FAM120B: variants seen among roughly 807,000 people sequenced by gnomAD.
FAM120B encodes family with sequence similarity 120 member B, also known as constitutive coactivator of peroxisome proliferator-activated receptor gamma.
A neutral mutation model predicts 96.3 loss-of-function variants in FAM120B; 83 were observed. The ratio of observed to expected loss-of-function variants is 0.86; its 90% CI spans 0.72 to 1.03. The LOEUF (loss-of-function observed/expected upper bound fraction) is 1.03. FAM120B is among the 50% of genes least tolerant of loss of function. The pLI is 0.00. For synonymous variants in FAM120B, 407 were observed against 402.7 expected, an observed-to-expected ratio of 1.01 and a Z score of -0.13; for missense variants, 1,027 against 1,121.2, an observed-to-expected ratio of 0.92 and a Z score of 1.20.
chr6:170,328,517 C>A (rs1490699177), intron 3 of FAM120B, among the ~76,000 whole-genome samples: 1 of 152,180 alleles, frequency 6.6e-6, no homozygotes, highest in East Asian at 1.9e-4. Flanking sequence ...CAAGGCTCAT[C>A]TTTATCGTTG....
intron 3 of FAM120B, among the ~76,000 whole-genome samples, chr6:170,329,713 A>T (rs1785872787): frequency 6.6e-6 from 1 of 151,398 alleles, no homozygotes; most frequent in African/African-American, 2.4e-5. Context: ...TCCTGGACTG[A>T]TACTCTCTTT....
At chr6:170,310,662 G>A (rs1410048828) in intron 1 of FAM120B, among the ~76,000 whole-genome samples, 3 of 152,224 alleles carry the variant, frequency 2.0e-5, no homozygotes, top group Non-Finnish European at 4.4e-5. Context: ...TTAAGAGGCT[G>A]CACAAAACTG....
rs541868570 is a variant in FAM120B at position 170,359,706 on chromosome 6, T to C, written c.2283+1388T>C. Among the ~76,000 whole-genome samples, 14 of 152,282 alleles carry C rather than the reference T, an allele frequency of 9.2e-5. No individual in the cohort carries two copies. The South Asian group carries it at 2.3e-3, about 25-fold the overall frequency. ...CTCCCGCCTGGGCCTCCCAAAGTGC[T>C]GGGATTATAGGTGTGAGCCACCACA... On this transcript the variant is annotated intron_variant, in intron 6 of 10. Coordinates refer to ENST00000476287, the MANE Select transcript of FAM120B (RefSeq NM_032448.3).
chr6:170,306,760 A>AC lies in FAM120B; in HGVS notation c.-103dup, dbSNP rs1286307948. ...GCGCCTTGAGCGGAAGCGGAAGTGA[A>AC]CGAGGCGGCTGTGGCGGTGGCTGAG... On this transcript the variant is annotated 5_prime_UTR_variant, in exon 1 of 11. Coordinates refer to ENST00000476287, the MANE Select transcript of FAM120B (RefSeq NM_032448.3). The AC allele has an allele frequency of 1.3e-5, 2 of 153,342 alleles. No individual in the cohort carries two copies. Among genetic ancestry groups the AC allele is most frequent in the African/African-American group, 4.8e-5 (2 of 41,474 alleles). 9.5% of individuals were successfully genotyped at this position (153,342 alleles called of 1,614,324 possible). A position where few individuals can be genotyped will look rare whatever the true frequency, so the allele number is the denominator to read the frequency against.
At chr6:170,328,064 C>G (rs1482459999) in intron 3 of FAM120B, among the ~76,000 whole-genome samples, 4 of 149,320 alleles carry the variant, frequency 2.7e-5, no homozygotes, top group Non-Finnish European at 6.0e-5. Context: ...ATAAATTAAC[C>G]TTAACTTACT....
At chr6:170,309,186 C>T (rs1265367552) in intron 1 of FAM120B, among the ~76,000 whole-genome samples, 2 of 152,120 alleles carry the variant, frequency 1.3e-5, no homozygotes, top group Non-Finnish European at 2.9e-5. Context: ...TTTTATAGAA[C>T]TTGATAATGA....
chr6:170,363,656 C>T lies in FAM120B; in HGVS notation c.2283+5338C>T, dbSNP rs1467507486. Among the ~76,000 whole-genome samples, 2 of 152,258 alleles carry T rather than the reference C, an allele frequency of 1.3e-5. No homozygotes were observed. The highest frequency in any genetic ancestry group is 3.8e-4 in the East Asian group (2 of 5,204). Reference sequence around the variant, plus strand: ...ACAGGATCATAACAATAAAGTAATTCTGGATCTCCATTTCCTTGGTAATCA... The same window carrying T: ...ACAGGATCATAACAATAAAGTAATTTTGGATCTCCATTTCCTTGGTAATCA... On this transcript the variant is annotated intron_variant, in intron 6 of 10. Transcript: ENST00000476287. This position sits in a 1 kb window ranked among gnomAD's most constrained non-coding sequence, Gnocchi z 4.5.
intron 3 of FAM120B, among the ~76,000 whole-genome samples, chr6:170,323,693 A>G (rs1785431893): frequency 6.6e-6 from 1 of 152,202 alleles, no homozygotes; most frequent in East Asian, 1.9e-4. Flanking sequence ...CATGTTTTTA[A>G]ATACAAACAA....
intron 4 of FAM120B, among the ~76,000 whole-genome samples, chr6:170,344,041 C>T (rs1368966720): frequency 6.9e-6 from 1 of 145,004 alleles, no homozygotes; most frequent in Non-Finnish European, 1.5e-5. Flanking sequence ...GCGGTGCTAG[C>T]CTCTCACTGG....
intron 4 of FAM120B, among the ~76,000 whole-genome samples, chr6:170,339,849 G>C (rs1315992470): frequency 2.0e-5 from 3 of 151,572 alleles, no homozygotes; most frequent in African/African-American, 7.3e-5. Flanking sequence ...GGTTTCTGCA[G>C]AGAGATCTGC....
At chr6:170,359,048 TTTAC>T (rs1443291925) in intron 6 of FAM120B, among the ~76,000 whole-genome samples, 2 of 152,128 alleles carry the variant, frequency 1.3e-5, no homozygotes, top group Non-Finnish European at 2.9e-5. Flanking sequence ...TTGCATTCGT[TTTAC>T]TTGTTTTTCT....
At chr6:170,335,646 G>A (rs1786367208) in intron 4 of FAM120B, among the ~76,000 whole-genome samples, 1 of 152,162 alleles carries the variant, frequency 6.6e-6, no homozygotes, top group Admixed American at 6.5e-5. Flanking sequence ...TTCCACAATG[G>A]TTGAACTAAT....
At chr6:170,395,094 A>T (rs1790658024) in intron 8 of FAM120B, among the ~76,000 whole-genome samples, 1 of 152,186 alleles carries the variant, frequency 6.6e-6, no homozygotes, top group South Asian at 2.1e-4. Flanking sequence ...GAATGGGGAG[A>T]AGCTCACAAG....
chr6:170,361,834 C>T (rs1788480971), intron 6 of FAM120B, among the ~76,000 whole-genome samples: 3 of 152,120 alleles, frequency 2.0e-5, no homozygotes, highest in African/African-American at 7.2e-5. Context: ...CGCTCTGTTG[C>T]CCAGGCTGGA....
intron 6 of FAM120B, among the ~76,000 whole-genome samples, chr6:170,368,819 C>CGGGGGGG (rs146799172): frequency 7.6e-5 from 2 of 26,190 alleles, no homozygotes; most frequent in Non-Finnish European, 2.1e-4. Flanking sequence ...TCTGCCGGGG[C>CGGGGGGG]TGGGGGGGGG....
At chr6:170,390,475 T>TG (rs921485727) in intron 7 of FAM120B, among the ~76,000 whole-genome samples, 2 of 151,434 alleles carry the variant, frequency 1.3e-5, no homozygotes, top group Admixed American at 6.6e-5. Flanking sequence ...CGTTCTAGTT[T>TG]GGGAAAAAAA....
intron 9 of FAM120B, among the ~76,000 whole-genome samples, chr6:170,398,146 C>T (rs1312987635): frequency 3.3e-5 from 5 of 152,208 alleles, no homozygotes; most frequent in Admixed American, 2.6e-4. Flanking sequence ...GCCATCAGGC[C>T]TCCCACTGAT....
intron 8 of FAM120B, among the ~76,000 whole-genome samples, chr6:170,392,020 T>C (rs1236653558): frequency 6.6e-6 from 1 of 152,218 alleles, no homozygotes; most frequent in African/African-American, 2.4e-5. Flanking sequence ...TTCCATTTTT[T>C]TCTCATTACT....
intron 6 of FAM120B, among the ~76,000 whole-genome samples, chr6:170,384,841 G>A (rs1790102875): frequency 6.6e-6 from 1 of 152,200 alleles, no homozygotes; most frequent in Non-Finnish European, 1.5e-5. Context: ...ACTGTAGGGG[G>A]CCAGTGAAGC....
Sources: allele counts gnomAD v4.1 joint callset (sites outside exome capture counted in the v4.1 genomes callset), GRCh38; gene constraint gnomAD v4.1.1; non-coding constraint Gnocchi (gnomAD v3.1); transcripts MANE v1.5; gene names NCBI Gene and HGNC (gene_info 2026-07-23, HGNC 2026-07-21).